The following VPS45 variants were observed in gnomAD, a reference collection of about 807,000 sequenced individuals.
The protein encoded by VPS45 is vacuolar protein sorting 45 homolog, also known as vacuolar protein sorting-associated protein 45.
In VPS45, 35 loss-of-function variants were observed where a neutral mutation model predicts 75.9. That is an observed-to-expected ratio of 0.46 (90% CI 0.35 to 0.61). The LOEUF is 0.61. Ranked by LOEUF, VPS45 falls within the 20% of genes least tolerant of loss-of-function variation. VPS45 has a pLI of 0.00. For missense variants in VPS45, 559 were observed against 685.9 expected, an observed-to-expected ratio of 0.81 and a Z score of 2.07; for synonymous variants, 220 against 238.2, an observed-to-expected ratio of 0.92 and a Z score of 0.70.
chr1:150,079,977 G>T (rs1655609006), intron 7 of VPS45, among the ~76,000 whole-genome samples: 1 of 152,156 alleles, frequency 6.6e-6, no homozygotes, highest in African/African-American at 2.4e-5. Flanking sequence ...GACTTCTTTT[G>T]TGCCACGTAC....
At chr1:150,125,325 A>AT (rs1477684913) in intron 14 of VPS45, among the ~76,000 whole-genome samples, 2 of 147,736 alleles carry the variant, frequency 1.4e-5, no homozygotes, top group East Asian at 2.0e-4. Context: ...TGTATTTTTT[A>AT]TTTTTTTTAC....
intron 14 of VPS45, among the ~76,000 whole-genome samples, chr1:150,141,716 C>T (rs1659399499): frequency 1.3e-5 from 2 of 152,158 alleles, no homozygotes; most frequent in Non-Finnish European, 2.9e-5. Context: ...TAGTTTCTGG[C>T]ACTGCCTCTG....
At chr1:150,140,184 G>A (rs966451685) in intron 14 of VPS45, among the ~76,000 whole-genome samples, 4 of 152,298 alleles carry the variant, frequency 2.6e-5, no homozygotes, top group South Asian at 2.1e-4. Context: ...GATTACAGGC[G>A]TGAGCCACCG....
intron 9 of VPS45, among the ~76,000 whole-genome samples, chr1:150,082,273 G>C (rs889277119): frequency 3.3e-5 from 5 of 152,184 alleles, no homozygotes; most frequent in Non-Finnish European, 5.9e-5. Flanking sequence ...TTGGGAGGCC[G>C]AGGCGGGTGG....
chr1:150,081,839 G>A, intron 8 of VPS45, 45 bp from the exon 9 acceptor site: 1 of 1,204,354 alleles, frequency 8.3e-7, no homozygotes, highest in Non-Finnish European at 1.2e-6. Context: ...TTGTCTGAAA[G>A]TCAGACTAGT....
chr1:150,089,410 G>C (rs1362105724), intron 10 of VPS45, among the ~76,000 whole-genome samples: 3 of 151,890 alleles, frequency 2.0e-5, no homozygotes, highest in African/African-American at 7.3e-5. Context: ...CCAGGCTGGA[G>C]TACTGTGGCA....
rs74127406 is a variant in VPS45, at chr1:150,072,135, A to G, written c.229-31A>G. ...CTTTTTTCCTTAAGCAACTCTCCTC[A>G]TATTTTGTTTGCTTGTTCTTCATTT... On this transcript the variant is annotated intron_variant, in intron 2 of 14. Coordinates refer to ENST00000644510, the MANE Select transcript of VPS45 (RefSeq NM_007259.5). 6.3e-4 allele frequency: 1,001 copies of G among 1,590,668 alleles called. 3 individuals are homozygous for G. The African/African-American group carries it at 0.012, about 19-fold the overall frequency.
At chr1:150,118,959 G>T (rs979123475) in intron 14 of VPS45, among the ~76,000 whole-genome samples, 1 of 152,084 alleles carries the variant, frequency 6.6e-6, no homozygotes, top group African/African-American at 2.4e-5. Context: ...CACCAAACAG[G>T]AAAAAATATT....
chr1:150,120,022 C>T (rs962834096), intron 14 of VPS45, among the ~76,000 whole-genome samples: 6 of 152,146 alleles, frequency 3.9e-5, no homozygotes, highest in African/African-American at 1.2e-4. Context: ...GCAGGAGAAT[C>T]GCTTGAACCT....
chr1:150,091,871 C>A, intron 10 of VPS45, 66 bp from the exon 11 acceptor site: 1 of 1,450,054 alleles, frequency 6.9e-7, no homozygotes, highest in Admixed American at 2.0e-5. Context: ...ATTATTAGAT[C>A]TAAGGCATTG....
chr1:150,067,955 G>GT lies in VPS45; in HGVS notation c.93+8dup. 6.2e-7 allele frequency: 1 copy of GT among 1,613,988 alleles called. No homozygotes were observed. Among genetic ancestry groups the GT allele is most frequent in the Non-Finnish European group, 8.5e-7 (1 of 1,179,844 alleles). ...CTTCTCATGGATAAAGAGACGGTGA[G>GT]TTTGCTTTTGCTCAGCATTTGTGAA... is the stretch of plus-strand genomic sequence containing the variant. On this transcript the variant is annotated splice_donor_region_variant and intron_variant, in intron 1 of 14. Coordinates refer to ENST00000644510, the MANE Select transcript of VPS45 (RefSeq NM_007259.5).
chr1:150,130,302 A>G (rs782760810), intron 14 of VPS45, among the ~76,000 whole-genome samples: 2 of 146,312 alleles, frequency 1.4e-5, no homozygotes, highest in African/African-American at 5.1e-5. Flanking sequence ...CCCGGGCTTA[A>G]GCCATCCTCC....
chr1:150,138,570 G>C (rs587695917), intron 14 of VPS45, among the ~76,000 whole-genome samples: 2 of 152,118 alleles, frequency 1.3e-5, no homozygotes, highest in Non-Finnish European at 2.9e-5. Flanking sequence ...TTGCATTATA[G>C]ATGTTCAGCA....
chr1:150,103,694 C>T (rs1657168777), intron 13 of VPS45, among the ~76,000 whole-genome samples: 1 of 152,170 alleles, frequency 6.6e-6, no homozygotes, highest in Non-Finnish European at 1.5e-5. Flanking sequence ...CCAGTTCTTG[C>T]CTTTCTTTTC....
chr1:150,112,998 C>A (rs1164785374), intron 14 of VPS45, among the ~76,000 whole-genome samples: 5 of 152,160 alleles, frequency 3.3e-5, no homozygotes, highest in Non-Finnish European at 7.3e-5. Context: ...CACCAACCCA[C>A]AAACTCTTCG....
chr1:150,110,494 A>G lies in VPS45; in HGVS notation c.1494-2A>G, dbSNP rs1553806974. On this transcript the variant is annotated splice_acceptor_variant, in intron 13 of 14. Coordinates refer to ENST00000644510, the MANE Select transcript of VPS45 (RefSeq NM_007259.5). LOFTEE classifies it high-confidence loss of function. ...ATAATATCTCATTCTTCATTATTGC[A>G]GACCTCAGGATATCATTGTGTTTGT... 6.2e-7 allele frequency: 1 copy of G among 1,609,008 alleles called. No homozygotes were observed. The highest frequency in any genetic ancestry group is 8.5e-7 in the Non-Finnish European group (1 of 1,177,028).
At position 150,101,045 on chromosome 1, in the gene VPS45, G is replaced by A. The variant is rs117611696; in HGVS notation, c.1493+7397G>A. Among the ~76,000 whole-genome samples the A allele has an allele frequency of 1.3e-3, 205 of 152,268 alleles. 5 individuals carry two copies. The East Asian group carries it at 0.033, about 25-fold the overall frequency. The stretch of plus-strand genomic sequence containing the variant: ...TAAAATGTGGAAGGCCGAGGCAGGT[G>A]GATCACCTAAGGTCAGGAATTCGAG... On this transcript the variant is annotated intron_variant, in intron 13 of 14. Coordinates refer to ENST00000644510, the MANE Select transcript of VPS45 (RefSeq NM_007259.5).
At chr1:150,099,155 A>C in intron 13 of VPS45, 1 of 798,086 alleles carries the variant, frequency 1.3e-6, no homozygotes, top group South Asian at 4.9e-5. Context: ...TTGCCTTTTG[A>C]AAGTTTGTGT....
chr1:150,067,642 C>T, upstream of VPS45: 1 of 541,422 alleles, frequency 1.8e-6, no homozygotes, highest in Non-Finnish European at 3.3e-6. Context: ...TGGCAGCGGC[C>T]CAGGCCGTCT....
Sources: allele counts gnomAD v4.1 joint callset (sites outside exome capture counted in the v4.1 genomes callset), GRCh38; gene constraint gnomAD v4.1.1; transcripts MANE v1.5; gene names NCBI Gene and HGNC (gene_info 2026-07-23, HGNC 2026-07-21).